The following PTCH1 variants were observed in gnomAD, a reference collection of about 807,000 sequenced individuals.
PTCH1 encodes the protein patched 1.
A neutral mutation model predicts 144.6 loss-of-function variants in PTCH1; 14 were observed. The observed-to-expected ratio is 0.10, with a 90% CI of 0.06 to 0.15. The LOEUF is 0.15. Ranked by LOEUF, PTCH1 falls within the 10% of genes least tolerant of loss-of-function variation. The pLI is 1.00. For synonymous variants in PTCH1, 833 were observed against 793.6 expected (o/e 1.05, Z -0.83); for missense variants, 1,623 against 1,948.3 (o/e 0.83, Z 3.14).
chr9:95,456,336 G>A lies in PTCH1; in HGVS notation c.3246C>T (p.Pro1082=), dbSNP rs750725851. Residue 1082 remains proline (P), a synonymous_variant, in exon 19 of 24, where the codon CCC becomes CCT. Coordinates refer to ENST00000331920, the MANE Select transcript of PTCH1 (RefSeq NM_000264.5). ...CAACAGAAGCGATCAGGATGACCAC[G>A]GGCACGGCACTGAGCTTGATTCCGA... ...GLIGIKLSAV[P]VVILIASVGI... 6.8e-6 allele frequency: 11 copies of A among 1,614,084 alleles called. No homozygotes were observed. Among genetic ancestry groups the A allele is most frequent in the Admixed American group, 3.3e-5 (2 of 60,024 alleles).
chr9:95,457,914 C>G (rs57700050), intron 18 of PTCH1, 99 bp downstream of exon 18: 10 of 1,485,892 alleles, frequency 6.7e-6, no homozygotes, highest in Admixed American at 1.7e-5. Flanking sequence ...AAGCTATACC[C>G]TCCTCCAGAG....
chr9:95,508,069 GGAA>G (rs1402502553), intron 1 of PTCH1, 89 bp downstream of exon 1: 59 of 1,579,056 alleles, frequency 3.7e-5, no homozygotes, highest in Non-Finnish European at 4.6e-5. Flanking sequence ...GAGAGAGAGA[GGAA>G]GAGAGTGTGT....
At chr9:95,472,260 C>A (rs1033404675) in intron 12 of PTCH1, among the ~76,000 whole-genome samples, 2 of 152,166 alleles carry the variant, frequency 1.3e-5, no homozygotes, top group Admixed American at 6.5e-5. Flanking sequence ...GACAGTATTA[C>A]CTGATAAAGT....
chr9:95,506,211 C>A, intron 2 of PTCH1, 196 bp downstream of exon 2: 2 of 615,390 alleles, frequency 3.2e-6, no homozygotes. Context: ...CGCAGCGCCC[C>A]GAGTAGATTA....
intron 14 of PTCH1, 84 bp from the exon 15 acceptor site, chr9:95,467,509 T>C: frequency 9.4e-6 from 13 of 1,383,028 alleles, no homozygotes; most frequent in South Asian, 6.1e-5. Flanking sequence ...AGTTAATACC[T>C]TGTTTTCACC....
chr9:95,477,323 G>A (rs1403031925), intron 10 of PTCH1, among the ~76,000 whole-genome samples: 1 of 152,212 alleles, frequency 6.6e-6, no homozygotes, highest in Non-Finnish European at 1.5e-5. Context: ...TATCAGCCAA[G>A]TGTCTCTACT....
rs777246500 is a variant in PTCH1 at position 95,480,102 on chromosome 9, AG to A, written c.946-13del. 3.1e-6 allele frequency: 5 copies of A among 1,613,998 alleles called. No homozygotes were observed. The Admixed American group carries it at 6.7e-5, about 22-fold the overall frequency. The stretch of plus-strand genomic sequence containing the variant: ...GCCATATCAAGAGGCTAAAATAAAA[AG>A]ACAGCCACATAATTATGGGAATTAG... On this transcript the variant is annotated splice_polypyrimidine_tract_variant and intron_variant, in intron 6 of 23. Transcript: ENST00000331920.
rs1369238120 is a variant in PTCH1, at chr9:95,444,773, G to A, written c.*1620C>T. The A allele has an allele frequency of 6.6e-6, 1 of 152,306 alleles. No individual in the cohort carries two copies. Among genetic ancestry groups the A allele is most frequent in the Non-Finnish European group, 1.5e-5 (1 of 68,162 alleles). The allele number at this position is 152,306 out of a possible 1,614,324, so 9.4% of individuals were successfully genotyped here. ...TTGTCTGTAACAAGGTGCTGGTGTGGATTTGGATGGGGAGCCGACACTGGG... is the reference window on the plus strand; with the variant it reads ...TTGTCTGTAACAAGGTGCTGGTGTGAATTTGGATGGGGAGCCGACACTGGG... On this transcript the variant is annotated 3_prime_UTR_variant, in exon 24 of 24. Coordinates refer to ENST00000331920, the MANE Select transcript of PTCH1 (RefSeq NM_000264.5).
chr9:95,453,309 T>A, intron 20 of PTCH1, 169 bp downstream of exon 20: 1 of 950,546 alleles, frequency 1.1e-6, no homozygotes, highest in Middle Eastern at 3.4e-4. Flanking sequence ...TTTTTGTATT[T>A]TGAGTGGAGA....
Position 95,508,888 on chromosome 9 carries a change from C to T in PTCH1, c.-527G>A. ...GAGGGCAAGCGCAGAGCCGCCGCCG[C>T]CGCGGGGTCCGAGGGTGCCCGGCGG... On this transcript the variant is annotated 5_prime_UTR_variant, in exon 1 of 24. Transcript: ENST00000331920. 1 of 943,578 alleles carries T rather than the reference C, an allele frequency of 1.1e-6. No individual in the cohort carries two copies. The highest frequency in any genetic ancestry group is 1.3e-6 in the Non-Finnish European group (1 of 792,336). The allele number at this position is 943,578 out of a possible 1,614,324, so 58.5% of individuals were successfully genotyped here. A position where few individuals can be genotyped will look rare whatever the true frequency, so the allele number is the denominator to read the frequency against.
chr9:95,446,857 C>G, intron 23 of PTCH1, 54 bp downstream of exon 23: 1 of 1,606,786 alleles, frequency 6.2e-7, no homozygotes, highest in Non-Finnish European at 8.5e-7. Flanking sequence ...AGAACCTTGT[C>G]CTCCTCTTTG....
chr9:95,468,341 G>C (rs965871102), intron 14 of PTCH1, among the ~76,000 whole-genome samples: 11 of 152,198 alleles, frequency 7.2e-5, no homozygotes, highest in African/African-American at 2.4e-4. Flanking sequence ...ACAGGCGTGA[G>C]CCACCACACC....
intron 2 of PTCH1, among the ~76,000 whole-genome samples, chr9:95,491,519 T>C (rs1467900568): frequency 6.6e-6 from 1 of 152,192 alleles, no homozygotes; most frequent in Non-Finnish European, 1.5e-5. Context: ...CACAGAGCAT[T>C]GTTTCACTGT....
In PTCH1 at chr9:95,485,865, C is replaced by T. The variant is rs375628555; in HGVS notation, c.404G>A (p.Arg135Gln). ...VEELWVEVGG[R>Q]VSRELNYTRQ... Reference sequence around the variant, plus strand: ...AGTATAATTTAATTCACGACTTACTCGTCCTCCAACTGACAAATATGTACA... The same window carrying T: ...AGTATAATTTAATTCACGACTTACTTGTCCTCCAACTGACAAATATGTACA... The change falls in exon 3 of 24, where the codon CGA becomes CAA. Residue 135 changes from arginine (R) to glutamine (Q), a missense_variant. Arg to Gln is a conservative substitution (Grantham distance 43). Coordinates refer to ENST00000331920, the MANE Select transcript of PTCH1 (RefSeq NM_000264.5). The T allele has an allele frequency of 1.9e-5, 30 of 1,614,036 alleles. No homozygotes were observed. Among genetic ancestry groups the T allele is most frequent in the Admixed American group, 5.0e-5 (3 of 59,998 alleles).
In PTCH1 at chr9:95,458,048, C is replaced by T; in HGVS notation, c.3133G>A (p.Val1045Ile). 6.2e-7 allele frequency: 1 copy of T among 1,614,196 alleles called. No individual in the cohort carries two copies. Among genetic ancestry groups the T allele is most frequent in the East Asian group, 2.2e-5 (1 of 44,882 alleles). ...VLACTFLVCA[V>I]FLLNPWTAGI... ...GCCGTCCAGGGGTTCAGAAGGAAGA[C>T]AGCGCACACGAGGAATGTGCAGGCC... The change falls in exon 18 of 24, where the codon GTC (valine) becomes ATC (isoleucine). Residue 1045 changes from valine (V) to isoleucine (I), a missense_variant. Transcript: ENST00000331920. The surrounding 1 kb of genome is among the most constrained non-coding windows in gnomAD (Gnocchi z 4.7).
chr9:95,456,210 G>A, intron 19 of PTCH1, 66 bp downstream of exon 19: 2 of 1,602,212 alleles, frequency 1.2e-6, no homozygotes, highest in South Asian at 2.2e-5. Flanking sequence ...CCCACTTGGA[G>A]ACAAACAGAG....
At chr9:95,512,138 G>A (rs1844188512), upstream of PTCH1, among the ~76,000 whole-genome samples, 1 of 152,212 alleles carries the variant, frequency 6.6e-6, no homozygotes, top group African/African-American at 2.4e-5. Context: ...GCTGCCACAT[G>A]CACGTCATTT....
chr9:95,450,217 T>C (rs748423137), intron 20 of PTCH1: 21 of 472,422 alleles, frequency 4.4e-5, no homozygotes, highest in Admixed American at 3.0e-4. Context: ...TGAACTCTGA[T>C]GGCATGTAAT....
intron 16 of PTCH1, among the ~76,000 whole-genome samples, chr9:95,461,036 C>G (rs945143194): frequency 6.6e-6 from 1 of 152,110 alleles, no homozygotes; most frequent in African/African-American, 2.4e-5. Flanking sequence ...ATTAGCATGA[C>G]GGTTTTCTGC....
Sources: allele counts gnomAD v4.1 joint callset (sites outside exome capture counted in the v4.1 genomes callset), GRCh38; gene constraint gnomAD v4.1.1; non-coding constraint Gnocchi (gnomAD v3.1); transcripts MANE v1.5; gene names NCBI Gene and HGNC (gene_info 2026-07-23, HGNC 2026-07-21).